Variants in CAMK2B observed in about 807,000 individuals in gnomAD.
The protein encoded by CAMK2B is calcium/calmodulin dependent protein kinase II beta.
CAMK2B carries 27 observed loss-of-function variants against 93.7 expected under a neutral mutation model. That is an observed-to-expected ratio of 0.29 (90% confidence interval 0.21 to 0.40). CAMK2B has a LOEUF of 0.40. CAMK2B is among the 10% of genes least tolerant of loss of function. CAMK2B has a pLI of 1.00. For synonymous variants in CAMK2B, 374 were observed against 358.8 expected (o/e 1.04, Z -0.48); for missense variants, 568 against 895.8 (o/e 0.63, Z 4.67).
Position 44,325,548 on chromosome 7 carries a change from C to A in CAMK2B, c.-127G>T. ...AGACACCTCGGCTCGCGGCGCCAGGCGGGGGCCGGGCTGGGCTGCGCCGGG... is the reference window on the plus strand; with the variant it reads ...AGACACCTCGGCTCGCGGCGCCAGGAGGGGGCCGGGCTGGGCTGCGCCGGG... On this transcript the variant is annotated 5_prime_UTR_variant, in exon 1 of 24. Coordinates refer to ENST00000395749, the MANE Select transcript of CAMK2B (RefSeq NM_001220.5). The A allele has an allele frequency of 2.5e-6, 1 of 392,780 alleles. No homozygotes were observed. The highest frequency in any genetic ancestry group is 3.4e-6 in the Non-Finnish European group (1 of 290,482). The allele number at this position is 392,780 out of a possible 1,614,324, so 24.3% of individuals were successfully genotyped here. A position where few individuals can be genotyped will look rare whatever the true frequency, so the allele number is the denominator to read the frequency against.
In CAMK2B at chr7:44,279,155, C is replaced by A. The variant is rs77528335; in HGVS notation, c.160+4976G>T. 5.5e-3 allele frequency among the ~76,000 whole-genome samples: 830 copies of A among 151,224 alleles called. 12 individuals are homozygous for A. Among genetic ancestry groups the A allele is most frequent in the African/African-American group, 0.02 (793 of 40,510 alleles). On this transcript the variant is annotated intron_variant, in intron 2 of 23. Transcript: ENST00000395749. Reference sequence around the variant, plus strand: ...AAAGCTCCTGTGGCTGTTTTTGGAACCCTTTTCTGCTAGGGATGCATGCTG... The same window carrying A: ...AAAGCTCCTGTGGCTGTTTTTGGAAACCTTTTCTGCTAGGGATGCATGCTG...
At chr7:44,237,884 G>T (rs906024733) in intron 13 of CAMK2B, among the ~76,000 whole-genome samples, 1 of 152,176 alleles carries the variant, frequency 6.6e-6, no homozygotes, top group Admixed American at 6.5e-5. Flanking sequence ...CCAGGCCGGG[G>T]CAACTGCTGC....
chr7:44,220,671 T>A lies in CAMK2B; in HGVS notation c.1713A>T (p.Glu571Asp). The A allele has an allele frequency of 6.2e-7, 1 of 1,613,750 alleles. No individual in the cohort carries two copies. Among genetic ancestry groups the A allele is most frequent in the East Asian group, 2.2e-5 (1 of 44,868 alleles). Reference sequence around the variant, plus strand: ...TCCCTTCAACCAGGTTGCCCAGTGCTTCAGGCTCAAACGAGGTCAGCCCTG... The same window carrying A: ...TCCCTTCAACCAGGTTGCCCAGTGCATCAGGCTCAAACGAGGTCAGCCCTG... ...CDPGLTSFEP[E>D]ALGNLVEGMD... is the part of the protein sequence containing the mutation. Residue 571 changes from glutamate (E) to aspartate (D), a missense_variant, in exon 22 of 24, where the codon GAA becomes GAT. Coordinates refer to ENST00000395749, the MANE Select transcript of CAMK2B (RefSeq NM_001220.5).
At position 44,229,417 on chromosome 7, in the gene CAMK2B, G is replaced by A. The variant is rs201975711; in HGVS notation, c.1310C>T (p.Pro437Leu). ...EAEGPLPCPS[P>L]APFSPLPAPS... is the part of the protein sequence containing the mutation. ...GGCTGGCAGGGGGCTAAAGGGAGCC[G>A]GAGATGGGCAGGGCAGGGGCCCCTC... Residue 437 changes from proline (P) to leucine (L), a missense_variant, in exon 18 of 24, where the codon CCG (proline) becomes CTG (leucine). Physicochemically the swap from Pro to Leu is moderately conservative, Grantham distance 98. Coordinates refer to ENST00000395749, the MANE Select transcript of CAMK2B (RefSeq NM_001220.5). The A allele has an allele frequency of 7.1e-5, 108 of 1,517,978 alleles. No homozygotes were observed. Among genetic ancestry groups the A allele is most frequent in the South Asian group, 2.8e-4 (22 of 79,846 alleles). The allele number at this position is 1,517,978 out of a possible 1,614,324, so 94.0% of individuals were successfully genotyped here.
intron 15 of CAMK2B, 101 bp downstream of exon 15, chr7:44,234,289 G>C: frequency 1.9e-6 from 2 of 1,077,604 alleles, no homozygotes; most frequent in South Asian, 1.7e-5. Context: ...CAGGCCAGGC[G>C]GGGCCAGACC....
intron 1 of CAMK2B, among the ~76,000 whole-genome samples, chr7:44,295,626 C>G (rs985551779): frequency 1.3e-5 from 2 of 152,232 alleles, no homozygotes; most frequent in African/African-American, 4.8e-5. Context: ...CCTCCAGGAG[C>G]CCTACCAGAT....
At chr7:44,262,924 A>C in intron 3 of CAMK2B, 81 bp downstream of exon 3, 1 of 1,224,670 alleles carries the variant, frequency 8.2e-7, no homozygotes, top group South Asian at 1.3e-5. Flanking sequence ...TCTCTTTGAA[A>C]GTCTGATAGA....
Position 44,277,677 on chromosome 7 carries a change from C to T in CAMK2B, c.160+6454G>A, listed in dbSNP as rs572971516. Among the ~76,000 whole-genome samples the T allele has an allele frequency of 3.3e-5, 5 of 152,320 alleles. No homozygotes were observed. In the East Asian group the frequency reaches 9.7e-4, roughly 29 times the overall value. On this transcript the variant is annotated intron_variant, in intron 2 of 23. Transcript: ENST00000395749. ...GCCGGGGAGGCTGCTGGAGCCTCCC[C>T]CACAAGGCCCAAGGGCCCAGAATCC...
intron 2 of CAMK2B, among the ~76,000 whole-genome samples, chr7:44,278,687 G>T (rs1049517382): frequency 6.6e-6 from 1 of 152,228 alleles, no homozygotes; most frequent in African/African-American, 2.4e-5. Flanking sequence ...CTTCCTCTAC[G>T]GTCTCAGCAG....
chr7:44,250,472 G>A (rs1020108284), intron 5 of CAMK2B, among the ~76,000 whole-genome samples: 2 of 151,304 alleles, frequency 1.3e-5, no homozygotes, highest in African/African-American at 4.9e-5. Flanking sequence ...CTCCCCCTCC[G>A]CAGACAGTCA....
In CAMK2B at chr7:44,273,676, A is replaced by G. The variant is rs559409987; in HGVS notation, c.160+10455T>C. 6.4e-4 allele frequency among the ~76,000 whole-genome samples: 97 copies of G among 152,120 alleles called. 1 individual carries two copies. Among genetic ancestry groups the G allele is most frequent in the Non-Finnish European group, 1.1e-3 (78 of 67,990 alleles). ...TCAGGCCAGCCCCTGGGGGTGCAGG[A>G]CCCACCCTGTCAGGGTCCTACTCTC... On this transcript the variant is annotated intron_variant, in intron 2 of 23. Transcript: ENST00000395749.
intron 2 of CAMK2B, among the ~76,000 whole-genome samples, chr7:44,273,803 T>C (rs2097000564): frequency 6.6e-6 from 1 of 152,144 alleles, no homozygotes; most frequent in African/African-American, 2.4e-5. Flanking sequence ...TTTTGTCCTT[T>C]TCAGAGAGTG....
chr7:44,287,245 G>A (rs997067961), intron 1 of CAMK2B, among the ~76,000 whole-genome samples: 1 of 151,858 alleles, frequency 6.6e-6, no homozygotes, highest in African/African-American at 2.4e-5. Context: ...CAATGTCATC[G>A]CCGCCCCCCA....
Position 44,217,846 on chromosome 7 carries a change from C to G in CAMK2B, c.*1679G>C, listed in dbSNP as rs1038483486. On this transcript the variant is annotated 3_prime_UTR_variant, in exon 24 of 24. Coordinates refer to ENST00000395749, the MANE Select transcript of CAMK2B (RefSeq NM_001220.5). ...ACCCTCTGCAGTCAGGGCTTGTGACCACCCCCACCCAACCTGGCTTCAGAC... is the reference window on the plus strand; with the variant it reads ...ACCCTCTGCAGTCAGGGCTTGTGACGACCCCCACCCAACCTGGCTTCAGAC... The G allele has an allele frequency of 2.0e-5, 3 of 152,204 alleles. No individual in the cohort carries two copies. The highest frequency in any genetic ancestry group is 4.4e-5 in the Non-Finnish European group (3 of 68,056). The allele number at this position is 152,204 out of a possible 1,614,324, so 9.4% of individuals were successfully genotyped here.
Position 44,224,348 on chromosome 7 carries a change from C to T in CAMK2B, c.1597+2168G>A, listed in dbSNP as rs1464234421. ...CAGGCCCCTGAAGAAGGGCATGATC[C>T]CTGATGGAGGGAAAGGAGGGGGGCC... On this transcript the variant is annotated intron_variant, in intron 20 of 23. Transcript: ENST00000395749. This position sits in a 1 kb window ranked among gnomAD's most constrained non-coding sequence, Gnocchi z 4.4. Among the ~76,000 whole-genome samples, 4 of 152,168 alleles carry T rather than the reference C, an allele frequency of 2.6e-5. No homozygotes were observed. Among genetic ancestry groups the T allele is most frequent in the African/African-American group, 9.7e-5 (4 of 41,426 alleles).
chr7:44,255,209 G>A (rs1000525903), intron 4 of CAMK2B, among the ~76,000 whole-genome samples: 1 of 152,196 alleles, frequency 6.6e-6, no homozygotes, highest in Non-Finnish European at 1.5e-5. Flanking sequence ...GAACAGAGAT[G>A]ACAGGCAGAA....
chr7:44,263,115 C>A, intron 2 of CAMK2B, 51 bp from the exon 3 acceptor site: 1 of 1,574,250 alleles, frequency 6.4e-7, no homozygotes, highest in South Asian at 1.1e-5. Context: ...CAACTGGTGG[C>A]CCAGGGATCG....
chr7:44,274,409 A>G (rs2097011048), intron 2 of CAMK2B, among the ~76,000 whole-genome samples: 1 of 152,000 alleles, frequency 6.6e-6, no homozygotes, highest in Admixed American at 6.5e-5. Context: ...AGCTCTCCAG[A>G]CTTTCCCATC....
intron 2 of CAMK2B, among the ~76,000 whole-genome samples, chr7:44,275,788 G>A (rs2097030072): frequency 6.6e-6 from 1 of 152,064 alleles, no homozygotes; most frequent in Non-Finnish European, 1.5e-5. Flanking sequence ...TGCCCCCACT[G>A]AGCCCCCAGA....
Sources: gnomAD v4.1 joint callset for allele counts (sites outside exome capture counted in the v4.1 genomes callset) on GRCh38, gnomAD v4.1.1 for gene constraint, Gnocchi (gnomAD v3.1) non-coding constraint, MANE v1.5 for transcripts, NCBI Gene and HGNC (gene_info 2026-07-23, HGNC 2026-07-21) for gene names.